HDAC1: variants seen among roughly 807,000 people sequenced by gnomAD.
The protein encoded by HDAC1 is histone deacetylase 1.
HDAC1 carries 18 observed loss-of-function variants against 65.5 expected under a neutral mutation model. The observed-to-expected ratio is 0.27, with a 90% CI of 0.19 to 0.41. HDAC1 has a LOEUF of 0.41. HDAC1 is among the 10% of genes least tolerant of loss of function. HDAC1 has a pLI of 1.00. For synonymous variants in HDAC1, 211 were observed against 227.9 expected (o/e 0.93, Z 0.67); for missense variants, 373 against 625.2 (o/e 0.60, Z 4.30).
chr1:32,330,988 C>T lies in HDAC1; in HGVS notation c.979+80C>T, dbSNP rs749691706. ...GTCCTTAAGTTTATAACCCCTTCCC[C>T]GTTGGTCATATGACCGCTCCTCTTC... On this transcript the variant is annotated intron_variant, in intron 9 of 13. Transcript: ENST00000373548. The surrounding 1 kb of genome is among the most constrained non-coding windows in gnomAD (Gnocchi z 4.2). 1.4e-4 allele frequency: 201 copies of T among 1,405,740 alleles called. 1 individual carries two copies. The highest frequency in any genetic ancestry group is 1.8e-4 in the Middle Eastern group (1 of 5,666). The allele number at this position is 1,405,740 out of a possible 1,614,324, so 87.1% of individuals were successfully genotyped here.
intron 2 of HDAC1, among the ~76,000 whole-genome samples, chr1:32,313,292 G>C (rs1326242762): frequency 2.0e-5 from 3 of 151,550 alleles, no homozygotes; most frequent in Non-Finnish European, 4.4e-5. Flanking sequence ...ATGGGGTTTC[G>C]CTGTGTTGGC....
chr1:32,296,523 G>A (rs557276247), intron 1 of HDAC1, among the ~76,000 whole-genome samples: 29 of 152,154 alleles, frequency 1.9e-4, no homozygotes, highest in African/African-American at 6.7e-4. Flanking sequence ...CACCCTTTTT[G>A]TATTTTTTGT....
chr1:32,312,842 A>AT (rs1353864660), intron 2 of HDAC1, among the ~76,000 whole-genome samples: 5 of 150,642 alleles, frequency 3.3e-5, no homozygotes, highest in Non-Finnish European at 5.9e-5. Context: ...CGCCCAGCTA[A>AT]TTTTTGTATT....
intron 2 of HDAC1, 119 bp from the exon 3 acceptor site, chr1:32,316,546 C>A (rs957592678): frequency 3.0e-6 from 2 of 665,528 alleles, no homozygotes; most frequent in Non-Finnish European, 5.5e-6. Context: ...CCAGTTATTT[C>A]TTTTTATTCT....
chr1:32,323,796 C>T (rs150697324), intron 3 of HDAC1, among the ~76,000 whole-genome samples: 6 of 152,248 alleles, frequency 3.9e-5, no homozygotes, highest in South Asian at 2.1e-4. Flanking sequence ...CAGTGTCTGG[C>T]GTGTTGTACG....
At chr1:32,293,795 A>C (rs920357864) in intron 1 of HDAC1, among the ~76,000 whole-genome samples, 2 of 151,138 alleles carry the variant, frequency 1.3e-5, no homozygotes, top group Non-Finnish European at 3.0e-5. Flanking sequence ...CCAGCTACTC[A>C]GGAGGCTGAG....
At position 32,327,900 on chromosome 1, in the gene HDAC1, C is replaced by G; in HGVS notation, c.636+223C>G. 1 of 591,746 alleles carries G rather than the reference C, an allele frequency of 1.7e-6. No individual in the cohort carries two copies. The highest frequency in any genetic ancestry group is 1.9e-5 in the South Asian group (1 of 51,780). The allele number at this position is 591,746 out of a possible 1,614,324, so 36.7% of individuals were successfully genotyped here. A position where few individuals can be genotyped will look rare whatever the true frequency, so the allele number is the denominator to read the frequency against. On this transcript the variant is annotated intron_variant, in intron 6 of 13. Transcript: ENST00000373548. The surrounding 1 kb of genome is among the most constrained non-coding windows in gnomAD (Gnocchi z 6.0). ...GAAAGAAGAGGGGTCTCCTGACTCA[C>G]TGTACTTTCCTCCTGGCCACAGCTG...
chr1:32,294,682 T>C (rs943408369), intron 1 of HDAC1, among the ~76,000 whole-genome samples: 7 of 151,640 alleles, frequency 4.6e-5, no homozygotes, highest in Non-Finnish European at 1.0e-4. Flanking sequence ...ACTGGGCTGA[T>C]TTTTTGTATT....
chr1:32,333,006 T>C lies in HDAC1; in HGVS notation c.1422-11T>C. The C allele has an allele frequency of 6.2e-7, 1 of 1,613,456 alleles. No individual in the cohort carries two copies. Among genetic ancestry groups the C allele is most frequent in the Non-Finnish European group, 8.5e-7 (1 of 1,179,688 alleles). On this transcript the variant is annotated splice_polypyrimidine_tract_variant and intron_variant, in intron 13 of 13. Coordinates refer to ENST00000373548, the MANE Select transcript of HDAC1 (RefSeq NM_004964.3). ...TGGGTCATCTCATGCCAGTCTCTGC[T>C]CTCTCCACAGGGTCAAGGAGGAGGT...
intron 3 of HDAC1, among the ~76,000 whole-genome samples, chr1:32,319,500 G>A (rs188205873): frequency 6.6e-6 from 1 of 152,094 alleles, no homozygotes; most frequent in African/African-American, 2.4e-5. Context: ...TAGAGATGGG[G>A]TCTTGCTTTG....
chr1:32,318,191 T>C (rs760662537), intron 3 of HDAC1, among the ~76,000 whole-genome samples: 2 of 152,212 alleles, frequency 1.3e-5, no homozygotes, highest in Admixed American at 1.3e-4. Context: ...TCAGGTGATA[T>C]GCCAGCCTCG....
intron 4 of HDAC1, among the ~76,000 whole-genome samples, chr1:32,324,915 G>A (rs1002313799): frequency 9.2e-5 from 14 of 152,028 alleles, no homozygotes; most frequent in Admixed American, 3.9e-4. Context: ...GCAGTGAGTC[G>A]TGGTCACACC....
Position 32,327,508 on chromosome 1 carries a change from C to CAG in HDAC1, c.495-26_495-25dup. The CAG allele has an allele frequency of 6.2e-7, 1 of 1,600,048 alleles. No individual in the cohort carries two copies. Among genetic ancestry groups the CAG allele is most frequent in the Non-Finnish European group, 8.6e-7 (1 of 1,168,982 alleles). On this transcript the variant is annotated intron_variant, in intron 5 of 13. Coordinates refer to ENST00000373548, the MANE Select transcript of HDAC1 (RefSeq NM_004964.3). The surrounding 1 kb of genome is among the most constrained non-coding windows in gnomAD (Gnocchi z 6.0). ...GCACGTCCCATCCCCAAAGAGCCCC[C>CAG]AGACCCCTGACCCCCTTCTGATCCT...
chr1:32,310,314 T>A (rs1404812829), intron 2 of HDAC1, among the ~76,000 whole-genome samples: 1 of 152,244 alleles, frequency 6.6e-6, no homozygotes, highest in Non-Finnish European at 1.5e-5. Flanking sequence ...CAGATTATTC[T>A]GGTTTTCCAA....
At chr1:32,298,324 A>T (rs1341208994) in intron 1 of HDAC1, among the ~76,000 whole-genome samples, 3 of 140,798 alleles carry the variant, frequency 2.1e-5, no homozygotes, top group Non-Finnish European at 4.6e-5. Context: ...TCGACCTCAG[A>T]TGATCGCCTG....
intron 2 of HDAC1, among the ~76,000 whole-genome samples, chr1:32,306,332 A>G (rs1485542702): frequency 6.6e-6 from 1 of 151,018 alleles, no homozygotes; most frequent in Non-Finnish European, 1.5e-5. Context: ...CTAATTTTGT[A>G]TTTTTGGTAG....
chr1:32,302,909 C>T (rs932136545), intron 2 of HDAC1, among the ~76,000 whole-genome samples, 176 bp downstream of exon 2: 3 of 151,996 alleles, frequency 2.0e-5, no homozygotes, highest in African/African-American at 4.8e-5. Flanking sequence ...TGGTGGCTCA[C>T]GCCTGTAATC....
At position 32,331,292 on chromosome 1, in the gene HDAC1, G is replaced by C. The variant is rs866369325; in HGVS notation, c.980-182G>C. 6.6e-6 allele frequency among the ~76,000 whole-genome samples: 1 copy of C among 152,172 alleles called. No individual in the cohort carries two copies. The highest frequency in any genetic ancestry group is 1.5e-5 in the Non-Finnish European group (1 of 68,014). ...ATACACCACTGGTACAGACATAGGA[G>C]AGTGATGTTAAAAAGATGGAAATCC... On this transcript the variant is annotated intron_variant, in intron 9 of 13. Coordinates refer to ENST00000373548, the MANE Select transcript of HDAC1 (RefSeq NM_004964.3). This position sits in a 1 kb window ranked among gnomAD's most constrained non-coding sequence, Gnocchi z 4.2.
Position 32,333,221 on chromosome 1 carries a change from C to T in HDAC1, c.*177C>T. The T allele has an allele frequency of 2.0e-6, 1 of 498,134 alleles. No individual in the cohort carries two copies. Among genetic ancestry groups the T allele is most frequent in the South Asian group, 3.5e-5 (1 of 28,552 alleles). The allele number at this position is 498,134 out of a possible 1,614,324, so 30.9% of individuals were successfully genotyped here. On this transcript the variant is annotated 3_prime_UTR_variant, in exon 14 of 14. Coordinates refer to ENST00000373548, the MANE Select transcript of HDAC1 (RefSeq NM_004964.3). ...GGCAGCTGTGCTGGGTGAGCTCTTC[C>T]AGGAGCCACCTTGCCACCCATTCTT...
Sources: gnomAD v4.1 joint callset for allele counts (sites outside exome capture counted in the v4.1 genomes callset) on GRCh38, gnomAD v4.1.1 for gene constraint, Gnocchi (gnomAD v3.1) non-coding constraint, MANE v1.5 for transcripts, NCBI Gene and HGNC (gene_info 2026-07-23, HGNC 2026-07-21) for gene names.